NTM: variants seen among roughly 807,000 people sequenced by gnomAD.
NTM encodes neurotrimin, also known as IgLON family member 2.
A neutral mutation model predicts 42.1 loss-of-function variants in NTM; 13 were observed. The observed-to-expected ratio is 0.31, with a 90% CI of 0.20 to 0.49. The LOEUF is 0.49. Ranked by LOEUF, NTM falls within the 20% of genes least tolerant of loss-of-function variation. The pLI, the probability that NTM is intolerant of heterozygous loss-of-function variation, is 0.99. For missense variants in NTM, 373 were observed against 452.8 expected (o/e 0.82, Z 1.60); for synonymous variants, 187 against 179.2 (o/e 1.04, Z -0.35).
intron 1 of NTM, among the ~76,000 whole-genome samples, chr11:131,613,334 G>A (rs373081436): frequency 1.3e-5 from 2 of 151,740 alleles, no homozygotes; most frequent in African/African-American, 4.8e-5. Context: ...CTGGGCCCCC[G>A]CCCAAGTTCT....
rs143806509 is a variant in NTM at position 132,110,047 on chromosome 11, T to C, written c.168-36235T>C. ...CCTTAAAGACATAACAACCTTTCAC[T>C]TGGGCTCAACTCTAGCCCAATGCCC... On this transcript the variant is annotated intron_variant, in intron 2 of 8. Transcript: ENST00000683400. Among the ~76,000 whole-genome samples, 396 of 152,340 alleles carry C rather than the reference T, an allele frequency of 2.6e-3. 1 individual carries two copies. Among genetic ancestry groups the C allele is most frequent in the African/African-American group, 8.6e-3 (356 of 41,584 alleles).
chr11:131,600,496 T>C (rs2060385405), intron 1 of NTM, among the ~76,000 whole-genome samples: 2 of 152,166 alleles, frequency 1.3e-5, no homozygotes. Flanking sequence ...GGCTGCTGCT[T>C]TGTGCAGCAG....
At chr11:131,738,581 T>G (rs1306873774) in intron 1 of NTM, among the ~76,000 whole-genome samples, 2 of 152,240 alleles carry the variant, frequency 1.3e-5, no homozygotes. Context: ...TCAGGGAAAC[T>G]GTGGCTCCCT....
At chr11:131,817,810 C>CA (rs1385754871) in intron 1 of NTM, among the ~76,000 whole-genome samples, 2 of 152,248 alleles carry the variant, frequency 1.3e-5, no homozygotes, top group Non-Finnish European at 2.9e-5. Context: ...CCCTTGCGGG[C>CA]ACTGACTAGA....
chr11:131,453,581 G>A (rs1383931722), intron 1 of NTM, among the ~76,000 whole-genome samples: 1 of 152,002 alleles, frequency 6.6e-6, no homozygotes, highest in African/African-American at 2.4e-5. Context: ...AACAAAAGAA[G>A]AGTTTATCCA....
At chr11:131,479,987 G>A (rs1591789644) in intron 1 of NTM, among the ~76,000 whole-genome samples, 1 of 151,450 alleles carries the variant, frequency 6.6e-6, no homozygotes, top group Non-Finnish European at 1.5e-5. Context: ...TTTTTCCTTT[G>A]GCCTGTGGCT....
intron 2 of NTM, among the ~76,000 whole-genome samples, chr11:132,039,653 G>T (rs2076941891): frequency 6.6e-6 from 1 of 152,060 alleles, no homozygotes; most frequent in Non-Finnish European, 1.5e-5. Flanking sequence ...ACCAGATGAG[G>T]CTGGGAACTT....
chr11:132,032,807 C>G (rs2076086816), intron 2 of NTM, among the ~76,000 whole-genome samples: 1 of 152,160 alleles, frequency 6.6e-6, no homozygotes, highest in Non-Finnish European at 1.5e-5. Context: ...TGGTATTCTG[C>G]CAACATTTTA....
At chr11:131,669,070 G>A (rs1329302036) in intron 1 of NTM, among the ~76,000 whole-genome samples, 1 of 152,178 alleles carries the variant, frequency 6.6e-6, no homozygotes, top group African/African-American at 2.4e-5. Flanking sequence ...AGATGCGGTA[G>A]AGTCCCTGTC....
intron 1 of NTM, among the ~76,000 whole-genome samples, chr11:131,873,468 T>G (rs1349153400): frequency 1.3e-5 from 2 of 151,312 alleles, no homozygotes; most frequent in South Asian, 2.1e-4. Context: ...CCAGGGCACA[T>G]GTACAGCTAT....
chr11:131,888,516 G>A (rs548906911), intron 1 of NTM, among the ~76,000 whole-genome samples: 2 of 152,214 alleles, frequency 1.3e-5, no homozygotes, highest in East Asian at 3.9e-4. Flanking sequence ...GGTTCCTTCA[G>A]GTCAAAGGTC....
At chr11:131,956,058 A>G (rs1204906059) in intron 2 of NTM, among the ~76,000 whole-genome samples, 3 of 152,098 alleles carry the variant, frequency 2.0e-5, no homozygotes, top group Admixed American at 2.0e-4. Flanking sequence ...TGTCTGGAGG[A>G]TGTCTGCTAC....
At chr11:132,132,616 C>T (rs1408978437) in intron 2 of NTM, among the ~76,000 whole-genome samples, 2 of 152,200 alleles carry the variant, frequency 1.3e-5, no homozygotes, top group Non-Finnish European at 2.9e-5. Flanking sequence ...CACCTCCATG[C>T]TCCTGCGGAG....
chr11:132,178,685 G>A (rs558868675), intron 3 of NTM, among the ~76,000 whole-genome samples: 16 of 152,148 alleles, frequency 1.1e-4, no homozygotes, highest in East Asian at 3.9e-4. Context: ...TCATTTGCTC[G>A]TCTTAAAAAT....
chr11:131,890,505 G>A (rs569640071), intron 1 of NTM, among the ~76,000 whole-genome samples: 132 of 152,302 alleles, frequency 8.7e-4, no homozygotes, highest in African/African-American at 3.0e-3. Flanking sequence ...GGAAACTCAT[G>A]AGCGCTCTCC....
At chr11:131,905,419 G>A (rs1008367206) in intron 1 of NTM, among the ~76,000 whole-genome samples, 4 of 152,154 alleles carry the variant, frequency 2.6e-5, no homozygotes, top group East Asian at 1.9e-4. Context: ...TATGAGCACC[G>A]TCTGAGGCTG....
intron 1 of NTM, among the ~76,000 whole-genome samples, chr11:131,882,521 C>A (rs1172590014): frequency 2.6e-5 from 4 of 152,140 alleles, no homozygotes; most frequent in African/African-American, 9.7e-5. Flanking sequence ...GATGCTGTGG[C>A]CCAGATATGT....
chr11:132,100,263 G>A (rs1350644556), intron 2 of NTM, among the ~76,000 whole-genome samples: 3 of 152,208 alleles, frequency 2.0e-5, no homozygotes, highest in African/African-American at 7.2e-5. Context: ...AACAGAGTTT[G>A]TTTAGTATCT....
intron 1 of NTM, among the ~76,000 whole-genome samples, chr11:131,646,537 A>G (rs2065794204): frequency 6.6e-6 from 1 of 152,166 alleles, no homozygotes; most frequent in Non-Finnish European, 1.5e-5. Flanking sequence ...TGGTCTATTT[A>G]TATGCAGATT....
Sources: allele counts gnomAD v4.1 joint callset (sites outside exome capture counted in the v4.1 genomes callset), GRCh38; gene constraint gnomAD v4.1.1; transcripts MANE v1.5; gene names NCBI Gene and HGNC (gene_info 2026-07-23, HGNC 2026-07-21).